Variants in PDE10A observed in about 807,000 individuals in gnomAD.
PDE10A encodes the protein phosphodiesterase 10A, also known as cAMP and cAMP-inhibited cGMP 3',5'-cyclic phosphodiesterase 10A.
A neutral mutation model predicts 97.7 loss-of-function variants in PDE10A; 39 were observed. That is an observed-to-expected ratio of 0.40 (90% CI 0.31 to 0.52). The LOEUF is 0.52. PDE10A is among the 20% of genes least tolerant of loss of function. The pLI is 0.56. For missense variants in PDE10A, 731 were observed against 1,047.8 expected, an observed-to-expected ratio of 0.70 and a Z score of 4.17; for synonymous variants, 371 against 376.8, an observed-to-expected ratio of 0.98 and a Z score of 0.18.
At chr6:165,874,200 T>G (rs1781275423) in intron 1 of PDE10A, among the ~76,000 whole-genome samples, 1 of 152,198 alleles carries the variant, frequency 6.6e-6, no homozygotes, top group South Asian at 2.1e-4. Context: ...AGTTTCCCAG[T>G]TAGCATTGCT....
rs139284939 is a variant in PDE10A, at chr6:165,898,043, G to A, written c.-615+89486C>T. ...CCTTGTACAAGCTGCCTCCCACATCGTGGCAAGGGCTCCCCTCTGTCTCCC... is the reference window on the plus strand; with the variant it reads ...CCTTGTACAAGCTGCCTCCCACATCATGGCAAGGGCTCCCCTCTGTCTCCC... On this transcript the variant is annotated intron_variant, in intron 1 of 19. Transcript: ENST00000366882. 2.3e-3 allele frequency among the ~76,000 whole-genome samples: 309 copies of A among 136,592 alleles called. 1 individual carries two copies. The highest frequency in any genetic ancestry group is 8.3e-3 in the African/African-American group (295 of 35,582). The allele number at this position is 136,592 out of a possible 152,430, so 89.6% of individuals were successfully genotyped here.
At chr6:165,729,257 T>G (rs1443967551) in intron 1 of PDE10A, among the ~76,000 whole-genome samples, 3 of 151,810 alleles carry the variant, frequency 2.0e-5, no homozygotes, top group Non-Finnish European at 4.4e-5. Flanking sequence ...AAACCGAATA[T>G]CAACCTTTTT....
chr6:165,368,597 A>C (rs1302773594), intron 18 of PDE10A, among the ~76,000 whole-genome samples: 1 of 152,178 alleles, frequency 6.6e-6, no homozygotes, highest in Non-Finnish European at 1.5e-5. Context: ...TCACTCCCCC[A>C]ACACAAATAG....
chr6:165,699,744 A>G (rs1419004781), intron 1 of PDE10A, among the ~76,000 whole-genome samples: 1 of 152,230 alleles, frequency 6.6e-6, no homozygotes, highest in African/African-American at 2.4e-5. Flanking sequence ...CCAATGGGTC[A>G]AAAATCAAAA....
chr6:165,351,796 A>C (rs1782711815), intron 18 of PDE10A, among the ~76,000 whole-genome samples: 1 of 152,236 alleles, frequency 6.6e-6, no homozygotes, highest in Non-Finnish European at 1.5e-5. Flanking sequence ...CAAACTGTGG[A>C]GCATGGTCAC....
upstream of PDE10A, among the ~76,000 whole-genome samples, chr6:165,663,450 T>A (rs552175674): frequency 9.8e-4 from 149 of 152,294 alleles, no homozygotes; most frequent in African/African-American, 3.4e-3. Flanking sequence ...TTTCGGATTC[T>A]AAATCCTGAG....
chr6:165,619,225 T>C (rs1787908234), intron 1 of PDE10A, among the ~76,000 whole-genome samples: 1 of 150,962 alleles, frequency 6.6e-6, no homozygotes, highest in African/African-American at 2.5e-5. Context: ...TAGACTAGTG[T>C]AGTGTAGACT....
chr6:165,511,411 C>G (rs912451424), intron 2 of PDE10A, among the ~76,000 whole-genome samples: 1 of 130,150 alleles, frequency 7.7e-6, no homozygotes, highest in Admixed American at 8.5e-5. Context: ...TTTAAAATAT[C>G]TTGAGAATTG....
At chr6:165,556,328 C>T (rs927442980) in intron 1 of PDE10A, among the ~76,000 whole-genome samples, 4 of 152,088 alleles carry the variant, frequency 2.6e-5, no homozygotes, top group African/African-American at 9.7e-5. Context: ...GTCAATGAAT[C>T]AAAACGGGTA....
intron 1 of PDE10A, among the ~76,000 whole-genome samples, chr6:165,851,638 C>T (rs75251622): frequency 0.014 from 2,110 of 152,214 alleles, 61 homozygotes; most frequent in African/African-American, 0.048. Flanking sequence ...CTTCATCATG[C>T]AGGAAGTGAG....
intron 1 of PDE10A, among the ~76,000 whole-genome samples, chr6:165,684,961 G>A (rs540973814): frequency 6.6e-6 from 1 of 152,184 alleles, no homozygotes; most frequent in South Asian, 2.1e-4. Context: ...TTATATGAAT[G>A]GCCATCTAGA....
chr6:165,877,506 A>G (rs1460441918), intron 1 of PDE10A, among the ~76,000 whole-genome samples: 1 of 152,162 alleles, frequency 6.6e-6, no homozygotes, highest in Non-Finnish European at 1.5e-5. Context: ...GCTTCCAAAT[A>G]TCCTTTTGAT....
At chr6:165,892,849 A>G (rs1259834877) in intron 1 of PDE10A, among the ~76,000 whole-genome samples, 1 of 152,176 alleles carries the variant, frequency 6.6e-6, no homozygotes, top group Non-Finnish European at 1.5e-5. Context: ...GGGAAGGCTG[A>G]CCATGAACTT....
At chr6:165,912,085 T>A (rs1439893854) in intron 1 of PDE10A, among the ~76,000 whole-genome samples, 2 of 152,128 alleles carry the variant, frequency 1.3e-5, no homozygotes, top group Non-Finnish European at 2.9e-5. Context: ...CAATCATCTA[T>A]CATCTATAAA....
At position 165,511,535 on chromosome 6, in the gene PDE10A, C is replaced by T. The variant is rs564553591; in HGVS notation, c.995-29192G>A. Among the ~76,000 whole-genome samples, 5 of 152,052 alleles carry T rather than the reference C, an allele frequency of 3.3e-5. No homozygotes were observed. The South Asian group carries it at 1.0e-3, about 32-fold the overall frequency. On this transcript the variant is annotated intron_variant, in intron 2 of 21. Coordinates refer to ENST00000539869, the MANE Select transcript of PDE10A (RefSeq NM_001385079.1). ...TCTGTAAACCTTAGGTCCAGCTGATCCAAACACCAGTTTAAACACAATGTT... is the reference window on the plus strand; with the variant it reads ...TCTGTAAACCTTAGGTCCAGCTGATTCAAACACCAGTTTAAACACAATGTT...
At chr6:165,720,947 T>C (rs756551795) in intron 1 of PDE10A, among the ~76,000 whole-genome samples, 1 of 152,188 alleles carries the variant, frequency 6.6e-6, no homozygotes, top group Non-Finnish European at 1.5e-5. Flanking sequence ...TCTGCAATGT[T>C]CATGGGTTTG....
At chr6:165,693,442 A>G (rs1401833733) in intron 1 of PDE10A, among the ~76,000 whole-genome samples, 1 of 141,138 alleles carries the variant, frequency 7.1e-6, no homozygotes, top group Non-Finnish European at 1.5e-5. Flanking sequence ...AAGGCAGGAG[A>G]ATGGCTTGAA....
chr6:165,425,769 T>TTGTGTGTGTGTG lies in PDE10A; in HGVS notation c.1653+2888_1653+2889insCACACACACACA, dbSNP rs766723327. On this transcript the variant is annotated intron_variant, in intron 10 of 21. Transcript: ENST00000539869. ...CTGTCTCTAATTATAGAAGGCATGA[T>TTGTGTGTGTGTG]CGTGTGTGTGTGTGTGTGTGTGTGT... Among the ~76,000 whole-genome samples, 220 of 56,730 alleles carry TTGTGTGTGTGTG rather than the reference T, an allele frequency of 3.9e-3. 1 individual carries two copies. The highest frequency in any genetic ancestry group is 0.016 in the African/African-American group (213 of 13,520). The allele number at this position is 56,730 out of a possible 152,430, so 37.2% of individuals were successfully genotyped here.
intron 2 of PDE10A, among the ~76,000 whole-genome samples, chr6:165,502,005 T>C (rs1439450791): frequency 6.6e-6 from 1 of 152,194 alleles, no homozygotes; most frequent in Non-Finnish European, 1.5e-5. Context: ...ATATGTGAAT[T>C]TAGGCAAAGA....
Sources: allele counts gnomAD v4.1 joint callset (sites outside exome capture counted in the v4.1 genomes callset), GRCh38; gene constraint gnomAD v4.1.1; transcripts MANE v1.5; gene names NCBI Gene and HGNC (gene_info 2026-07-23, HGNC 2026-07-21).